SORCS2: variants seen among roughly 807,000 people sequenced by gnomAD.
SORCS2 encodes the protein VPS10 domain-containing receptor SorCS2.
Under a neutral mutation model 141.6 loss-of-function variants are expected in SORCS2, and 100 were observed. That is an observed-to-expected ratio of 0.71 (90% CI 0.60 to 0.83). SORCS2 has a LOEUF of 0.83. Ranked by LOEUF, SORCS2 falls within the 40% of genes least tolerant of loss-of-function variation. The probability of loss-of-function intolerance (pLI) is 0.00; values close to 1 mark genes in which losing one functional copy is unlikely to be tolerated. For synonymous variants in SORCS2, 789 were observed against 676.9 expected, an observed-to-expected ratio of 1.17 and a Z score of -2.57; for missense variants, 1,646 against 1,560.2, an observed-to-expected ratio of 1.05 and a Z score of -0.93.
chr4:7,434,556 C>G, intron 2 of SORCS2: 2 of 1,613,548 alleles, frequency 1.2e-6, no homozygotes, highest in Non-Finnish European at 1.7e-6. Flanking sequence ...CCACCATCCA[C>G]TTGCATCCGG....
intron 14 of SORCS2, among the ~76,000 whole-genome samples, chr4:7,710,476 G>C (rs1273409142): frequency 6.6e-6 from 1 of 152,238 alleles, no homozygotes; most frequent in Non-Finnish European, 1.5e-5. Context: ...GTGTGAGGAT[G>C]CTCTCAGGGA....
rs61111993 is a variant in SORCS2, at chr4:7,262,375, T to TATCCATCC, written c.480+69300_480+69307dup. ...CCATCCATCCACCCACCTATCCATC[T>TATCCATCC]ATCCATCCATCCATCCATCCATCCA... On this transcript the variant is annotated intron_variant, in intron 1 of 26. Transcript: ENST00000507866. Among the ~76,000 whole-genome samples the TATCCATCC allele has an allele frequency of 6.9e-3, 952 of 137,084 alleles. 12 individuals are homozygous for TATCCATCC. Among genetic ancestry groups the TATCCATCC allele is most frequent in the African/African-American group, 0.02 (736 of 36,310 alleles). The allele number at this position is 137,084 out of a possible 152,430, so 89.9% of individuals were successfully genotyped here. A position where few individuals can be genotyped will look rare whatever the true frequency, so the allele number is the denominator to read the frequency against.
chr4:7,635,877 C>T (rs193226602), intron 3 of SORCS2, among the ~76,000 whole-genome samples: 37 of 152,274 alleles, frequency 2.4e-4, no homozygotes, highest in Admixed American at 1.4e-3. Context: ...TTTGTGCTAG[C>T]GGAGATTAAT....
At chr4:7,642,790 G>GT (rs1720830190) in intron 4 of SORCS2, among the ~76,000 whole-genome samples, 1 of 152,172 alleles carries the variant, frequency 6.6e-6, no homozygotes, top group Admixed American at 6.5e-5. Context: ...CTGGTTACTG[G>GT]TGGAGTTTGC....
intron 2 of SORCS2, among the ~76,000 whole-genome samples, chr4:7,474,795 A>G (rs546052336): frequency 7.5e-4 from 114 of 152,172 alleles, no homozygotes; most frequent in Admixed American, 3.3e-3. Flanking sequence ...AGCAACAGAC[A>G]TTTATCCTCT....
At chr4:7,582,063 G>A (rs1716196358) in intron 3 of SORCS2, among the ~76,000 whole-genome samples, 1 of 152,126 alleles carries the variant, frequency 6.6e-6, no homozygotes, top group African/African-American at 2.4e-5. Context: ...AGATAACGAT[G>A]ATTTGGCCAT....
At chr4:7,374,728 C>T (rs1373780637) in intron 1 of SORCS2, among the ~76,000 whole-genome samples, 1 of 152,210 alleles carries the variant, frequency 6.6e-6, no homozygotes, top group Non-Finnish European at 1.5e-5. Flanking sequence ...TGTACAGTGT[C>T]TCGGTCACCT....
At chr4:7,683,845 C>A (rs1407915139) in intron 10 of SORCS2, among the ~76,000 whole-genome samples, 1 of 152,180 alleles carries the variant, frequency 6.6e-6, no homozygotes, top group East Asian at 1.9e-4. Flanking sequence ...TGGAGAATCT[C>A]TCAAAGTAGC....
intron 9 of SORCS2, among the ~76,000 whole-genome samples, chr4:7,680,091 G>A (rs1723422050): frequency 6.6e-6 from 1 of 152,202 alleles, no homozygotes; most frequent in South Asian, 2.1e-4. Flanking sequence ...GCCTTGTCAG[G>A]GTTCTATGAG....
intron 3 of SORCS2, among the ~76,000 whole-genome samples, chr4:7,539,815 A>C: frequency 7.9e-6 from 1 of 127,098 alleles, no homozygotes; most frequent in Non-Finnish European, 1.6e-5. Flanking sequence ...CCTGCTGTGG[A>C]GGCCCCACCC....
intron 2 of SORCS2, among the ~76,000 whole-genome samples, chr4:7,440,395 G>A (rs1173498102): frequency 2.0e-5 from 3 of 152,210 alleles, no homozygotes; most frequent in East Asian, 1.9e-4. Context: ...GGGAGAGCAC[G>A]AATAGGAACA....
At chr4:7,670,806 A>C (rs546150954) in intron 8 of SORCS2, among the ~76,000 whole-genome samples, 32 of 152,278 alleles carry the variant, frequency 2.1e-4, no homozygotes, top group Admixed American at 1.6e-3. Flanking sequence ...CAGAGCTTGA[A>C]GGAGCGGGAG....
At chr4:7,269,435 C>T (rs905117798) in intron 1 of SORCS2, among the ~76,000 whole-genome samples, 2 of 152,182 alleles carry the variant, frequency 1.3e-5, no homozygotes, top group Non-Finnish European at 2.9e-5. Flanking sequence ...TCTGTGAACA[C>T]GATCTTATTT....
rs1723319242 is a variant in SORCS2, at chr4:7,386,402, T to C, written c.481-9886T>C. Among the ~76,000 whole-genome samples, 3 of 108,026 alleles carry C rather than the reference T, an allele frequency of 2.8e-5. 1 individual carries two copies. Among genetic ancestry groups the C allele is most frequent in the Non-Finnish European group, 5.4e-5 (3 of 55,802 alleles). The allele number at this position is 108,026 out of a possible 152,430, so 70.9% of individuals were successfully genotyped here. A position where few individuals can be genotyped will look rare whatever the true frequency, so the allele number is the denominator to read the frequency against. ...ATGCACACACACATGGACATACACATATGTACACACGCACACATGCACACA... is the reference window on the plus strand; with the variant it reads ...ATGCACACACACATGGACATACACACATGTACACACGCACACATGCACACA... On this transcript the variant is annotated intron_variant, in intron 1 of 26. Coordinates refer to ENST00000507866, the MANE Select transcript of SORCS2 (RefSeq NM_020777.3).
At chr4:7,450,436 C>G (rs956911777) in intron 2 of SORCS2, among the ~76,000 whole-genome samples, 1 of 152,216 alleles carries the variant, frequency 6.6e-6, no homozygotes, top group African/African-American at 2.4e-5. Flanking sequence ...GAGTGTCAGG[C>G]GAGGCCCCAT....
At chr4:7,295,171 C>T (rs1716956276) in intron 1 of SORCS2, among the ~76,000 whole-genome samples, 3 of 68,844 alleles carry the variant, frequency 4.4e-5, no homozygotes, top group African/African-American at 2.0e-4. Context: ...TTATTTTCTC[C>T]CCCCTCTAGC....
chr4:7,216,159 G>A (rs548880767), intron 1 of SORCS2, among the ~76,000 whole-genome samples: 5 of 152,220 alleles, frequency 3.3e-5, no homozygotes, highest in South Asian at 4.2e-4. Flanking sequence ...CAGACGCGCC[G>A]CCTTAAGAAC....
At chr4:7,697,159 G>A (rs907581743) in intron 11 of SORCS2, 39 bp from the exon 12 acceptor site, 15 of 1,519,748 alleles carry the variant, frequency 9.9e-6, no homozygotes, top group East Asian at 4.9e-5. Context: ...AAAGCTGGAC[G>A]ATCCTAAGGG....
intron 1 of SORCS2, among the ~76,000 whole-genome samples, chr4:7,234,217 G>A (rs115845304): frequency 0.015 from 2,355 of 152,342 alleles, 48 homozygotes; most frequent in Admixed American, 0.055. Flanking sequence ...ATTTCGAGAT[G>A]TGCTGGGTCT....
Sources: gnomAD v4.1 joint callset for allele counts (sites outside exome capture counted in the v4.1 genomes callset) on GRCh38, gnomAD v4.1.1 for gene constraint, MANE v1.5 for transcripts, NCBI Gene and HGNC (gene_info 2026-07-23, HGNC 2026-07-21) for gene names.